Variants in ORC3 observed in about 807,000 individuals in gnomAD.
ORC3 encodes origin recognition complex subunit 3, also known as homolog of latheo, Drosophila.
Under a neutral mutation model 100.7 loss-of-function variants are expected in ORC3, and 78 were observed. The ratio of observed to expected loss-of-function variants is 0.77; its 90% CI spans 0.65 to 0.94. ORC3 has a LOEUF of 0.94. Among genes scored for constraint, ORC3 ranks in the 40% least tolerant of loss-of-function variants. ORC3 has a pLI of 0.00. For synonymous variants in ORC3, 295 were observed against 289.3 expected (o/e 1.02, Z -0.20); for missense variants, 789 against 823.9 (o/e 0.96, Z 0.52).
At chr6:87,618,105 A>T (rs1009740361) in intron 9 of ORC3, among the ~76,000 whole-genome samples, 2 of 152,228 alleles carry the variant, frequency 1.3e-5, no homozygotes, top group African/African-American at 2.4e-5. Context: ...AACCCTGAAG[A>T]TACAGATAAA....
chr6:87,668,362 A>G (rs1181105843), downstream of ORC3, among the ~76,000 whole-genome samples: 2 of 152,222 alleles, frequency 1.3e-5, no homozygotes, highest in African/African-American at 2.4e-5. Flanking sequence ...GCTTGGAAAC[A>G]GAAGTGTTTT....
intron 13 of ORC3, among the ~76,000 whole-genome samples, chr6:87,640,474 A>C (rs1768162655): frequency 6.6e-6 from 1 of 152,216 alleles, no homozygotes; most frequent in Non-Finnish European, 1.5e-5. Flanking sequence ...TTCCTTGCTC[A>C]GTCAACTCTT....
chr6:87,677,647 A>G, the ORC3 span, among the ~76,000 whole-genome samples: 1 of 152,208 alleles, frequency 6.6e-6, no homozygotes. Flanking sequence ...TCCTCAGGTT[A>G]CCAAGGCGGG....
chr6:87,590,785 A>G lies in ORC3; in HGVS notation c.24+593A>G, dbSNP rs148984362. 5.6e-4 allele frequency among the ~76,000 whole-genome samples: 86 copies of G among 152,336 alleles called. No homozygotes were observed. In the East Asian group the frequency reaches 0.013, roughly 24 times the overall value. ...AGAACAGCATGTTTCTTCGGCCCAG[A>G]AGATAGAAATAAAATGGCATATTAG... On this transcript the variant is annotated intron_variant, in intron 1 of 19. Transcript: ENST00000392844.
chr6:87,596,150 G>A lies in ORC3; in HGVS notation c.79+1743G>A, dbSNP rs1196882356. Among the ~76,000 whole-genome samples, 2 of 148,522 alleles carry A rather than the reference G, an allele frequency of 1.3e-5. 1 individual carries two copies. The highest frequency in any genetic ancestry group is 4.3e-4 in the South Asian group (2 of 4,682). On this transcript the variant is annotated intron_variant, in intron 2 of 19. Transcript: ENST00000392844. Reference sequence around the variant, plus strand: ...CCACTGTGCCCAGCCTAATTTGTTTGTTTGTTTTTGTTTTTTTTTTTTGAG... The same window carrying A: ...CCACTGTGCCCAGCCTAATTTGTTTATTTGTTTTTGTTTTTTTTTTTTGAG...
intron 2 of ORC3, 112 bp from the exon 3 acceptor site, chr6:87,601,672 A>C (rs1191715216): frequency 8.4e-6 from 2 of 238,518 alleles, no homozygotes; most frequent in East Asian, 1.0e-4. Flanking sequence ...ACTCCATATC[A>C]AAAAAAAAAA....
rs1421881982 is a variant in ORC3 at position 87,642,233 on chromosome 6, C to T, written c.1382+5747C>T. Among the ~76,000 whole-genome samples, 4 of 151,944 alleles carry T rather than the reference C, an allele frequency of 2.6e-5. 1 individual carries two copies. The highest frequency in any genetic ancestry group is 1.5e-5 in the Non-Finnish European group (1 of 68,008). The stretch of plus-strand genomic sequence containing the variant: ...CTTCAGCCCAGGAGGTTGAGGCTGC[C>T]GTGAGCTGTGATTGTACCACTGCAC... On this transcript the variant is annotated intron_variant, in intron 13 of 19. Transcript: ENST00000392844.
At chr6:87,632,633 T>C (rs570935338) in intron 11 of ORC3, among the ~76,000 whole-genome samples, 1 of 152,092 alleles carries the variant, frequency 6.6e-6, no homozygotes, top group South Asian at 2.1e-4. Context: ...GAGGCTGAGG[T>C]GGGTGGATCA....
intron 17 of ORC3, among the ~76,000 whole-genome samples, 165 bp downstream of exon 17, chr6:87,663,309 TTCTAACCCCATAAAG>T (rs2128295630): frequency 6.6e-6 from 1 of 152,312 alleles, no homozygotes; most frequent in African/African-American, 2.4e-5. Context: ...AGAAAAAAAT[TTCTAACCCCATAAAG>T]ATAGCAATTA....
At chr6:87,595,909 C>T (rs2128243849) in intron 2 of ORC3, among the ~76,000 whole-genome samples, 1 of 152,344 alleles carries the variant, frequency 6.6e-6, no homozygotes, top group East Asian at 1.9e-4. Flanking sequence ...TCATAGCTCA[C>T]TTCAGCCTTG....
chr6:87,661,553 C>T (rs185393604), intron 16 of ORC3, among the ~76,000 whole-genome samples: 112 of 152,222 alleles, frequency 7.4e-4, no homozygotes, highest in Middle Eastern at 3.4e-3. Flanking sequence ...CTGGCCACAT[C>T]GGGACAAAGC....
At chr6:87,635,553 T>G (rs768239643) in intron 12 of ORC3, among the ~76,000 whole-genome samples, 3 of 152,188 alleles carry the variant, frequency 2.0e-5, no homozygotes, top group Non-Finnish European at 4.4e-5. Flanking sequence ...TCCCAGCACT[T>G]TGGGAAGCCA....
intron 2 of ORC3, among the ~76,000 whole-genome samples, chr6:87,601,252 TAGAA>T (rs1352179571): frequency 1.2e-4 from 18 of 152,036 alleles, no homozygotes; most frequent in Admixed American, 2.0e-4. Flanking sequence ...AGAAATACAG[TAGAA>T]AGATTGACAT....
rs555744634 is a variant in ORC3, at chr6:87,594,128, C to T, written c.25-225C>T. Among the ~76,000 whole-genome samples the T allele has an allele frequency of 2.6e-5, 4 of 152,320 alleles. No homozygotes were observed. In the East Asian group the frequency reaches 7.7e-4, roughly 29 times the overall value. On this transcript the variant is annotated intron_variant, in intron 1 of 19. Coordinates refer to ENST00000392844, the MANE Select transcript of ORC3 (RefSeq NM_012381.4). ...AAAGAGCAAAATCAAAAATGGGCAT[C>T]TCATGGGAGGGAGGGGAGAGAGTAG...
At chr6:87,615,750 C>T (rs1006552847) in intron 8 of ORC3, among the ~76,000 whole-genome samples, 1 of 152,216 alleles carries the variant, frequency 6.6e-6, no homozygotes, top group African/African-American at 2.4e-5. Context: ...CCTTTTACAA[C>T]TATGCTTCTG....
chr6:87,650,293 T>G (rs2128288319), intron 13 of ORC3, among the ~76,000 whole-genome samples: 1 of 152,252 alleles, frequency 6.6e-6, no homozygotes, highest in Admixed American at 6.5e-5. Flanking sequence ...TGGGCTCAAG[T>G]GGTCTTCCCA....
At chr6:87,607,869 T>G (rs760660335) in intron 6 of ORC3, 45 bp downstream of exon 6, 2 of 1,389,190 alleles carry the variant, frequency 1.4e-6, no homozygotes, top group Non-Finnish European at 2.0e-6. Flanking sequence ...TGACGTATGA[T>G]TGATGTGGCT....
Position 87,594,427 on chromosome 6 carries a change from A to G in ORC3, c.79+20A>G, listed in dbSNP as rs766307515. On this transcript the variant is annotated intron_variant, in intron 2 of 19. Coordinates refer to ENST00000392844, the MANE Select transcript of ORC3 (RefSeq NM_012381.4). ...CAATAGGTAAGGTGTCTGAATATTA[A>G]ATTTTTTATTCCCTACCTTCTTAAA... The G allele has an allele frequency of 3.3e-5, 52 of 1,553,376 alleles. No individual in the cohort carries two copies. Among genetic ancestry groups the G allele is most frequent in the Non-Finnish European group, 4.6e-5 (52 of 1,139,784 alleles).
intron 9 of ORC3, 34 bp from the exon 10 acceptor site, chr6:87,621,320 T>C: frequency 6.9e-7 from 1 of 1,449,428 alleles, no homozygotes; most frequent in Non-Finnish European, 9.1e-7. Context: ...TGCCAAAATA[T>C]AACAAATATG....
Sources: gnomAD v4.1 joint callset for allele counts (sites outside exome capture counted in the v4.1 genomes callset) on GRCh38, gnomAD v4.1.1 for gene constraint, MANE v1.5 for transcripts, NCBI Gene and HGNC (gene_info 2026-07-23, HGNC 2026-07-21) for gene names.